MAP3K1: variants seen among roughly 807,000 people sequenced by gnomAD.
MAP3K1 encodes the protein mitogen-activated protein kinase kinase kinase 1, also known as MAP/ERK kinase kinase 1.
In MAP3K1, 36 loss-of-function variants were observed where a neutral mutation model predicts 144.2. The ratio of observed to expected loss-of-function variants is 0.25; its 90% CI spans 0.19 to 0.33. The LOEUF (loss-of-function observed/expected upper bound fraction) is 0.33. Among genes scored for constraint, MAP3K1 ranks in the 10% least tolerant of loss-of-function variants. MAP3K1 has a pLI of 1.00. For missense variants in MAP3K1, 1,650 were observed against 1,881.9 expected (o/e 0.88, Z 2.28); for synonymous variants, 718 against 688.7 (o/e 1.04, Z -0.67).
chr5:56,819,208 A>G (rs970022284), intron 1 of MAP3K1, among the ~76,000 whole-genome samples: 3 of 152,186 alleles, frequency 2.0e-5, no homozygotes, highest in Non-Finnish European at 4.4e-5. Flanking sequence ...TGATTTTGGC[A>G]AGAGTGACTG....
intron 1 of MAP3K1, among the ~76,000 whole-genome samples, chr5:56,823,024 G>A (rs1746200508): frequency 6.6e-6 from 1 of 152,060 alleles, no homozygotes; most frequent in Non-Finnish European, 1.5e-5. Context: ...TTTCTCCTTT[G>A]CTGTCCGTTC....
In MAP3K1 at chr5:56,882,255, C is replaced by T; in HGVS notation, c.3055C>T (p.Pro1019Ser). 2 of 1,614,116 alleles carry T rather than the reference C, an allele frequency of 1.2e-6. No homozygotes were observed. The highest frequency in any genetic ancestry group is 1.1e-5 in the South Asian group (1 of 91,080). Residue 1019 changes from proline (P) to serine (S), a missense_variant, in exon 14 of 20, where the codon CCT (proline) becomes TCT (serine). Pro to Ser is a moderately conservative substitution (Grantham distance 74, BLOSUM62 -1). This residue lies in a region of MAP3K1 where 841 missense variants were observed against 886.5 expected (regional missense o/e 0.95). Coordinates refer to ENST00000399503, the MANE Select transcript of MAP3K1 (RefSeq NM_005921.2). The stretch of plus-strand genomic sequence containing the variant: ...TCCCTGCAGAATACCTTCTGCATCT[C>T]CTCAAACACAGCGCAAGTTTTCTCT... ...FIPCRIPSAS[P>S]QTQRKFSLQF...
chr5:56,815,609 G>A lies in MAP3K1; in HGVS notation c.36G>A (p.Ser12=), dbSNP rs555957417. ...AAAAGNRASS[S]GFPGARATSP... is the part of the protein sequence containing the mutation. ...CGGCGGGGAATCGCGCCTCGTCGTC[G>A]GGATTCCCGGGCGCCAGGGCTACGA... The change falls in exon 1 of 20, where the codon TCG becomes TCA. Residue 12 remains serine (S), a synonymous_variant. Transcript: ENST00000399503. 48 of 1,310,626 alleles carry A rather than the reference G, an allele frequency of 3.7e-5. No individual in the cohort carries two copies. The highest frequency in any genetic ancestry group is 2.9e-4 in the Middle Eastern group (1 of 3,478). The allele number at this position is 1,310,626 out of a possible 1,614,324, so 81.2% of individuals were successfully genotyped here.
At chr5:56,868,131 A>G (rs1189788268) in intron 6 of MAP3K1, among the ~76,000 whole-genome samples, 1 of 152,132 alleles carries the variant, frequency 6.6e-6, no homozygotes, top group Non-Finnish European at 1.5e-5. Flanking sequence ...TTTGTGGTCC[A>G]TTTGGTCTCT....
At chr5:56,861,588 A>G (rs78589624) in intron 3 of MAP3K1, among the ~76,000 whole-genome samples, 548 of 31,894 alleles carry the variant, frequency 0.017, 24 homozygotes, top group Non-Finnish European at 0.024. Flanking sequence ...AAAAAAAAAA[A>G]AAGGGGCTAT....
At chr5:56,844,959 A>G (rs1286231415) in intron 1 of MAP3K1, among the ~76,000 whole-genome samples, 1 of 152,210 alleles carries the variant, frequency 6.6e-6, no homozygotes, top group East Asian at 1.9e-4. Context: ...GTATAGTACT[A>G]GCTGTTCTGT....
intron 6 of MAP3K1, among the ~76,000 whole-genome samples, chr5:56,867,897 C>T (rs1019854260): frequency 1.3e-5 from 2 of 152,106 alleles, no homozygotes; most frequent in Non-Finnish European, 2.9e-5. Context: ...GCCCATGTTA[C>T]AAATGTCATG....
At chr5:56,853,413 T>C (rs1434254585) in intron 1 of MAP3K1, among the ~76,000 whole-genome samples, 1 of 152,172 alleles carries the variant, frequency 6.6e-6, no homozygotes, top group Non-Finnish European at 1.5e-5. Flanking sequence ...ATAAGAATAG[T>C]CATTAAAATT....
At chr5:56,886,191 G>C in intron 17 of MAP3K1, 128 bp downstream of exon 17, 1 of 726,096 alleles carries the variant, frequency 1.4e-6, no homozygotes, top group Non-Finnish European at 2.4e-6. Flanking sequence ...ATCACTTGAG[G>C]TCAGGAGCTC....
Position 56,879,044 on chromosome 5 carries a change from A to G in MAP3K1, c.2030A>G (p.Gln677Arg). The change falls in exon 11 of 20, where the codon CAG becomes CGG. Residue 677 changes from glutamine to arginine, a missense_variant. Physicochemically the swap from Gln to Arg is conservative, Grantham distance 43. Coordinates refer to ENST00000399503, the MANE Select transcript of MAP3K1 (RefSeq NM_005921.2). ...AGTTTAGCGGAAAGAATCAAACTTCAGAGACTTCTCCAGCCAGTTGTAGAC... is the reference window on the plus strand; with the variant it reads ...AGTTTAGCGGAAAGAATCAAACTTCGGAGACTTCTCCAGCCAGTTGTAGAC... The part of the protein sequence containing the change: ...CHSLAERIKL[Q>R]RLLQPVVDTI... 1 of 1,613,990 alleles carries G rather than the reference A, an allele frequency of 6.2e-7. No homozygotes were observed. The highest frequency in any genetic ancestry group is 8.5e-7 in the Non-Finnish European group (1 of 1,179,886).
chr5:56,886,215 C>T, intron 17 of MAP3K1, 152 bp downstream of exon 17: 1 of 628,950 alleles, frequency 1.6e-6, no homozygotes, highest in Non-Finnish European at 2.8e-6. Flanking sequence ...ACCAGCCAGG[C>T]CAACATGGTG....
intron 1 of MAP3K1, among the ~76,000 whole-genome samples, chr5:56,841,202 T>A (rs77443819): frequency 0.014 from 1,998 of 147,518 alleles, 20 homozygotes; most frequent in South Asian, 0.028. Context: ...CTTATTGATT[T>A]AAAAAAAAAA....
chr5:56,831,554 T>C (rs1400229741), intron 1 of MAP3K1, among the ~76,000 whole-genome samples: 2 of 152,242 alleles, frequency 1.3e-5, no homozygotes, highest in East Asian at 3.8e-4. Flanking sequence ...GCATTTAGTT[T>C]GCACTTTCAA....
intron 2 of MAP3K1, among the ~76,000 whole-genome samples, chr5:56,859,293 CAAAT>C (rs1027734169): frequency 5.3e-5 from 8 of 151,846 alleles, no homozygotes; most frequent in African/African-American, 1.7e-4. Context: ...TTTGTAAAAA[CAAAT>C]AAAAACGTAC....
Position 56,894,637 on chromosome 5 carries a change from G to C in MAP3K1, c.*957G>C, listed in dbSNP as rs1222730547. ...TAGATGTTTTGGTTGTCAAACTGTAGGAAACTTCACAACATTTAAGTCTTA... is the reference window on the plus strand; with the variant it reads ...TAGATGTTTTGGTTGTCAAACTGTACGAAACTTCACAACATTTAAGTCTTA... On this transcript the variant is annotated 3_prime_UTR_variant, in exon 20 of 20. Coordinates refer to ENST00000399503, the MANE Select transcript of MAP3K1 (RefSeq NM_005921.2). The C allele has an allele frequency of 8.6e-6, 2 of 232,054 alleles. No individual in the cohort carries two copies. Among genetic ancestry groups the C allele is most frequent in the Non-Finnish European group, 1.7e-5 (2 of 117,498 alleles). 14.4% of individuals were successfully genotyped at this position (232,054 alleles called of 1,614,324 possible). A position where few individuals can be genotyped will look rare whatever the true frequency, so the allele number is the denominator to read the frequency against.
chr5:56,852,042 A>G (rs1747189114), intron 1 of MAP3K1: 1 of 151,824 alleles, frequency 6.6e-6, no homozygotes, highest in Admixed American at 6.6e-5. Context: ...GAAATTCTTC[A>G]TTGAAGCCAT....
chr5:56,885,649 T>A (rs1369277821), intron 16 of MAP3K1, among the ~76,000 whole-genome samples: 4 of 152,222 alleles, frequency 2.6e-5, no homozygotes, highest in Non-Finnish European at 5.9e-5. Context: ...AGACAGAGAA[T>A]TGAATTGTAC....
chr5:56,864,767 G>A lies in MAP3K1; in HGVS notation c.868G>A (p.Ala290Thr). 6.2e-7 allele frequency: 1 copy of A among 1,614,064 alleles called. No homozygotes were observed. The highest frequency in any genetic ancestry group is 2.2e-5 in the East Asian group (1 of 44,880). The change falls in exon 4 of 20, where the codon GCC (alanine) becomes ACC (threonine). Residue 290 changes from alanine (A) to threonine (T), a missense_variant. This residue lies in a region of MAP3K1 where 148 missense variants were observed against 177.2 expected (regional missense o/e 0.84). Coordinates refer to ENST00000399503, the MANE Select transcript of MAP3K1 (RefSeq NM_005921.2). ...TGGCAGAATCACACCACCCCGAAGA[G>A]CCCCTTCACCAGATGGCTTCTCACC... is the stretch of plus-strand genomic sequence containing the variant. The part of the protein sequence containing the change: ...QSGRITPPRR[A>T]PSPDGFSPYS...
At position 56,887,708 on chromosome 5, in the gene MAP3K1, C is replaced by CA. The variant is rs577317008; in HGVS notation, c.4257+194dup. ...GACCTTTCTTTGCCTTGGCAATATT[C>CA]AAAAAACAGGTTTTAATAGATTTAC... On this transcript the variant is annotated intron_variant, in intron 18 of 19. Coordinates refer to ENST00000399503, the MANE Select transcript of MAP3K1 (RefSeq NM_005921.2). 777 of 643,980 alleles carry CA rather than the reference C, an allele frequency of 1.2e-3. 5 individuals carry two copies. The highest frequency in any genetic ancestry group is 1.8e-3 in the Non-Finnish European group (682 of 370,606). 39.9% of individuals were successfully genotyped at this position (643,980 alleles called of 1,614,324 possible).
Sources: gnomAD v4.1 joint callset for allele counts (sites outside exome capture counted in the v4.1 genomes callset) on GRCh38, gnomAD v4.1.1 for gene constraint, gnomAD v4.1.1 regional missense constraint, MANE v1.5 for transcripts, NCBI Gene and HGNC (gene_info 2026-07-23, HGNC 2026-07-21) for gene names.